ATPAF2: variants seen among roughly 807,000 people sequenced by gnomAD.
The protein encoded by ATPAF2 is ATP12 homolog.
In ATPAF2, 30 loss-of-function variants were observed where a neutral mutation model predicts 36.6. That is an observed-to-expected ratio of 0.82 (90% CI 0.61 to 1.11). The LOEUF (loss-of-function observed/expected upper bound fraction) is 1.11. Ranked by LOEUF, ATPAF2 falls within the 50% of genes most tolerant of loss-of-function variation. The probability of loss-of-function intolerance (pLI) is 0.00; values close to 1 mark genes in which losing one functional copy is unlikely to be tolerated. For missense variants in ATPAF2, 321 were observed against 372.3 expected (o/e 0.86, Z 1.13); for synonymous variants, 140 against 152.6 (o/e 0.92, Z 0.61).
chr17:18,033,147 T>C (rs2044660762), intron 1 of ATPAF2, among the ~76,000 whole-genome samples: 1 of 151,802 alleles, frequency 6.6e-6, no homozygotes, highest in African/African-American at 2.4e-5. Flanking sequence ...GGGGGACAGA[T>C]CACTTAAAGC....
chr17:18,032,067 T>A (rs1283861662), intron 1 of ATPAF2, among the ~76,000 whole-genome samples: 1 of 152,106 alleles, frequency 6.6e-6, no homozygotes, highest in African/African-American at 2.4e-5. Context: ...CTGGGCTGCA[T>A]GTATAAAAGC....
chr17:18,031,806 T>C (rs2145514364), intron 1 of ATPAF2, among the ~76,000 whole-genome samples: 1 of 152,256 alleles, frequency 6.6e-6, no homozygotes, highest in Non-Finnish European at 1.5e-5. Flanking sequence ...AGTGTTTTTT[T>C]AGGATCAGAT....
In ATPAF2 at chr17:18,021,757, A is replaced by G. The variant is rs1274738248; in HGVS notation, c.604T>C (p.Trp202Arg). 1 of 1,613,796 alleles carries G rather than the reference A, an allele frequency of 6.2e-7. No homozygotes were observed. Among genetic ancestry groups the G allele is most frequent in the Non-Finnish European group, 8.5e-7 (1 of 1,179,934 alleles). The change falls in exon 6 of 8, where the codon TGG (tryptophan) becomes CGG (arginine). Residue 202 changes from tryptophan (W) to arginine (R), a missense_variant. Physicochemically the swap from Trp to Arg is moderately radical, Grantham distance 101. Transcript: ENST00000474627. ...LVSHLASYNTWALQGIEFVAA... is the reference protein window; with the variant it reads ...LVSHLASYNTRALQGIEFVAA... ...ACTCCATACATGCCTTGTAAAGCCC[A>G]TGTGTTGTAAGATGCCAGGTGGCTG...
rs2044412069 is a variant in ATPAF2, at chr17:18,018,220, TGGA to T, written c.*326_*328del. 1 of 388,702 alleles carries T rather than the reference TGGA, an allele frequency of 2.6e-6. No individual in the cohort carries two copies. Among genetic ancestry groups the T allele is most frequent in the Admixed American group, 3.8e-5 (1 of 26,640 alleles). 24.1% of individuals were successfully genotyped at this position (388,702 alleles called of 1,614,324 possible). A position where few individuals can be genotyped will look rare whatever the true frequency, so the allele number is the denominator to read the frequency against. On this transcript the variant is annotated 3_prime_UTR_variant, in exon 8 of 8. Transcript: ENST00000474627. The stretch of plus-strand genomic sequence containing the variant: ...TGGAACCTAGACAAAACAGGAAGAA[TGGA>T]GAAGTGCAGAGGCATACGTGAAAAC...
intron 1 of ATPAF2, among the ~76,000 whole-genome samples, chr17:18,029,854 C>T (rs184869115): frequency 2.5e-3 from 341 of 138,466 alleles, no homozygotes; most frequent in Non-Finnish European, 4.0e-3. Context: ...CCACCATGCC[C>T]GGCCAAATAG....
chr17:18,036,712 T>C (rs1391888663), intron 1 of ATPAF2, among the ~76,000 whole-genome samples: 2 of 152,192 alleles, frequency 1.3e-5, no homozygotes, highest in African/African-American at 4.8e-5. Context: ...TTAGGCTTTT[T>C]AAAAAGGAAA....
intron 5 of ATPAF2, among the ~76,000 whole-genome samples, chr17:18,023,285 G>A (rs1022516142): frequency 6.6e-6 from 1 of 151,890 alleles, no homozygotes; most frequent in Admixed American, 6.6e-5. Flanking sequence ...ACAAAAATTA[G>A]CTGGGCGTGG....
At chr17:18,033,559 T>A (rs1053622777) in intron 1 of ATPAF2, among the ~76,000 whole-genome samples, 1 of 151,860 alleles carries the variant, frequency 6.6e-6, no homozygotes, top group Non-Finnish European at 1.5e-5. Flanking sequence ...CTTTGTAGGA[T>A]CATGCAGAAC....
intron 3 of ATPAF2, 24 bp from the exon 4 acceptor site, chr17:18,026,440 C>T: frequency 6.3e-7 from 1 of 1,586,736 alleles, no homozygotes; most frequent in Non-Finnish European, 8.7e-7. Flanking sequence ...AAAAACCACC[C>T]TGTCACTGCC....
chr17:18,023,480 C>T (rs2044501536), intron 5 of ATPAF2, among the ~76,000 whole-genome samples: 1 of 152,164 alleles, frequency 6.6e-6, no homozygotes, highest in African/African-American at 2.4e-5. Context: ...TACAAATGGA[C>T]TGTAAGAAAT....
At chr17:18,016,156 G>A (rs2044355317), downstream of ATPAF2, 1 of 1,613,990 alleles carries the variant, frequency 6.2e-7, no homozygotes, top group Non-Finnish European at 8.5e-7. Flanking sequence ...ATGAGCTGGT[G>A]ACCAGAATCA....
intron 1 of ATPAF2, among the ~76,000 whole-genome samples, chr17:18,030,824 G>A (rs1329266962): frequency 3.2e-5 from 4 of 126,028 alleles, no homozygotes; most frequent in Non-Finnish European, 6.4e-5. Context: ...CCGCCACCAC[G>A]CCTGGCTTTT....
intron 1 of ATPAF2, among the ~76,000 whole-genome samples, chr17:18,038,319 T>G (rs1334630821): frequency 6.6e-6 from 1 of 152,132 alleles, no homozygotes; most frequent in African/African-American, 2.4e-5. Context: ...GAGGTGGAGG[T>G]GACTCCACAG....
At chr17:18,024,559 T>C (rs1247462201) in intron 5 of ATPAF2, 65 bp downstream of exon 5, 1 of 1,388,382 alleles carries the variant, frequency 7.2e-7, no homozygotes, top group Non-Finnish European at 1.0e-6. Context: ...CGTGACCCCC[T>C]GACCCCTACA....
chr17:18,028,755 T>C lies in ATPAF2; in HGVS notation c.134-96A>G, dbSNP rs1361414746. 17 of 1,121,118 alleles carry C rather than the reference T, an allele frequency of 1.5e-5. No homozygotes were observed. In the East Asian group the frequency reaches 2.6e-4, roughly 17 times the overall value. 69.4% of individuals were successfully genotyped at this position (1,121,118 alleles called of 1,614,324 possible). On this transcript the variant is annotated intron_variant, in intron 1 of 7. Transcript: ENST00000474627. ...CTTGTATCATTACTGCTAATGTTGA[T>C]TGATTGGCTTGATTTTCATATCCCC...
intron 7 of ATPAF2, among the ~76,000 whole-genome samples, chr17:18,019,187 C>CACACACACCA (rs1256217214): frequency 7.4e-5 from 3 of 40,428 alleles, no homozygotes; most frequent in African/African-American, 2.7e-4. Context: ...ACACACACAC[C>CACACACACCA]CCACCACCCC....
chr17:18,033,224 C>T (rs1014838828), intron 1 of ATPAF2, among the ~76,000 whole-genome samples: 2 of 151,812 alleles, frequency 1.3e-5, no homozygotes, highest in Non-Finnish European at 2.9e-5. Context: ...AAAAAATTGG[C>T]GAGGTGTGGT....
chr17:18,034,865 G>A (rs2044683399), intron 1 of ATPAF2, among the ~76,000 whole-genome samples: 1 of 152,206 alleles, frequency 6.6e-6, no homozygotes, highest in Non-Finnish European at 1.5e-5. Context: ...GTAAAATGTG[G>A]CATATTTACA....
At position 18,038,935 on chromosome 17, in the gene ATPAF2, T is replaced by C. The variant is rs772715284; in HGVS notation, c.79A>G (p.Met27Val). 1.1e-5 allele frequency: 18 copies of C among 1,611,772 alleles called. No individual in the cohort carries two copies. The highest frequency in any genetic ancestry group is 8.4e-5 in the Admixed American group (5 of 59,606). The change falls in exon 1 of 8, where the codon ATG becomes GTG. Residue 27 changes from methionine (M) to valine (V), a missense_variant. Met to Val is a conservative substitution (Grantham distance 21, BLOSUM62 1). Coordinates refer to ENST00000474627, the MANE Select transcript of ATPAF2 (RefSeq NM_145691.4). The part of the protein sequence containing the change: ...NRPAGGPSAS[M>V]SPGPTIPSPA... ...GACGGGATGGTTGGCCCCGGACTCA[T>C]AGAAGCGCTGGGGCCACCCGCCGGC...
Sources: gnomAD v4.1 joint callset for allele counts (sites outside exome capture counted in the v4.1 genomes callset) on GRCh38, gnomAD v4.1.1 for gene constraint, MANE v1.5 for transcripts, NCBI Gene and HGNC (gene_info 2026-07-23, HGNC 2026-07-21) for gene names.